IFT74: variants seen among roughly 807,000 people sequenced by gnomAD.
IFT74 encodes the protein intraflagellar transport protein 74 homolog.
A neutral mutation model predicts 96.7 loss-of-function variants in IFT74; 92 were observed. The ratio of observed to expected loss-of-function variants is 0.95; its 90% confidence interval spans 0.80 to 1.13. IFT74 has a LOEUF of 1.13. IFT74 is among the 50% of genes most tolerant of loss of function. The probability of loss-of-function intolerance (pLI) is 0.00; values close to 1 mark genes in which losing one functional copy is unlikely to be tolerated. For synonymous variants in IFT74, 223 were observed against 213.2 expected (o/e 1.05, Z -0.40); for missense variants, 811 against 698.2 (o/e 1.16, Z -1.82).
At chr9:26,961,106 G>T (rs1171809346) in intron 1 of IFT74, among the ~76,000 whole-genome samples, 8 of 143,038 alleles carry the variant, frequency 5.6e-5, no homozygotes, top group African/African-American at 1.0e-4. Context: ...TTTTTTGGGT[G>T]GGGGGATGGA....
At chr9:27,046,195 G>T (rs1318518683) in intron 14 of IFT74, among the ~76,000 whole-genome samples, 2 of 152,128 alleles carry the variant, frequency 1.3e-5, no homozygotes, top group Non-Finnish European at 2.9e-5. Context: ...GATTATAGAA[G>T]CAGGATATTC....
At chr9:27,012,997 G>T (rs553599406) in intron 10 of IFT74, among the ~76,000 whole-genome samples, 2 of 152,244 alleles carry the variant, frequency 1.3e-5, no homozygotes, top group South Asian at 4.1e-4. Context: ...GATTATAGGC[G>T]TGAGCCACTG....
chr9:27,050,282 C>A (rs995345949), intron 16 of IFT74, among the ~76,000 whole-genome samples: 2 of 152,162 alleles, frequency 1.3e-5, no homozygotes, highest in Admixed American at 1.3e-4. Flanking sequence ...TTGTCTCAAA[C>A]TCCTGGGCTA....
chr9:26,950,222 G>C (rs1337862265), intron 1 of IFT74, among the ~76,000 whole-genome samples: 2 of 151,422 alleles, frequency 1.3e-5, no homozygotes, highest in East Asian at 4.0e-4. Context: ...TGAGGCAGGA[G>C]AATCACTTGA....
Position 26,980,499 on chromosome 9 carries a change from G to C in IFT74, c.257-72G>C. The stretch of plus-strand genomic sequence containing the variant: ...CTTGAGAATTGTGGAGTGTAATTCT[G>C]ATTGTGCTTTGGATTTGCTATTCTG... On this transcript the variant is annotated intron_variant, in intron 3 of 19. Coordinates refer to ENST00000380062, the MANE Select transcript of IFT74 (RefSeq NM_025103.4). 4 of 892,638 alleles carry C rather than the reference G, an allele frequency of 4.5e-6. No individual in the cohort carries two copies. In the South Asian group the frequency reaches 5.3e-5, roughly 12 times the overall value. The allele number at this position is 892,638 out of a possible 1,614,324, so 55.3% of individuals were successfully genotyped here.
At chr9:26,971,886 A>G (rs531386467) in intron 2 of IFT74, among the ~76,000 whole-genome samples, 1 of 152,314 alleles carries the variant, frequency 6.6e-6, no homozygotes, top group South Asian at 2.1e-4. Flanking sequence ...CAAATGTTTC[A>G]AAGCTTGGCT....
chr9:27,014,457 A>G (rs980072416), intron 10 of IFT74, among the ~76,000 whole-genome samples: 2 of 152,114 alleles, frequency 1.3e-5, no homozygotes, highest in African/African-American at 4.8e-5. Flanking sequence ...ATAAGCTATA[A>G]CCTTAGATTT....
chr9:27,056,578 C>A, intron 18 of IFT74, 119 bp downstream of exon 18: 1 of 773,086 alleles, frequency 1.3e-6, no homozygotes. Flanking sequence ...ACTTTTAAGA[C>A]AGCCAGATTC....
At chr9:26,978,677 A>C (rs1827230157) in intron 3 of IFT74, among the ~76,000 whole-genome samples, 1 of 152,204 alleles carries the variant, frequency 6.6e-6, no homozygotes, top group Non-Finnish European at 1.5e-5. Context: ...AAATACTCTG[A>C]AATAGTTTAG....
chr9:27,055,882 T>C (rs1435389377), intron 17 of IFT74, 110 bp downstream of exon 17: 10 of 645,760 alleles, frequency 1.5e-5, no homozygotes, highest in South Asian at 3.8e-5. Flanking sequence ...GATTATTTTA[T>C]ATATATAAGT....
intron 13 of IFT74, among the ~76,000 whole-genome samples, chr9:27,031,138 G>C (rs1014289826): frequency 2.6e-5 from 4 of 152,012 alleles, no homozygotes; most frequent in Non-Finnish European, 4.4e-5. Context: ...CGGGACTACA[G>C]GTCCATGTTA....
rs200556379 is a variant in IFT74, at chr9:26,962,073, C to T, written c.106C>T (p.Arg36Ter). 279 of 1,613,948 alleles carry T rather than the reference C, an allele frequency of 1.7e-4. No homozygotes were observed. Among genetic ancestry groups the T allele is most frequent in the Non-Finnish European group, 2.3e-4 (273 of 1,179,982 alleles). The change falls in exon 2 of 20, where the codon CGA becomes TGA. Residue 36 changes from arginine to a stop codon, truncating the protein, a stop_gained. Coordinates refer to ENST00000380062, the MANE Select transcript of IFT74 (RefSeq NM_025103.4). LOFTEE classifies it high-confidence loss of function. ...SGIRPLSGNI[R>*]VATAMPPGTA... ...GATACGACCCCTATCAGGAAATATT[C>T]GAGTGGCAACTGCAGTAAGTTTGAA...
chr9:27,064,834 A>G lies in IFT74; in HGVS notation c.*2098A>G, dbSNP rs949192856. Among the ~76,000 whole-genome samples the G allele has an allele frequency of 6.6e-6, 1 of 152,072 alleles. No individual in the cohort carries two copies. Among genetic ancestry groups the G allele is most frequent in the Non-Finnish European group, 1.5e-5 (1 of 67,978 alleles). On this transcript the variant is annotated 3_prime_UTR_variant, in exon 20 of 20. Transcript: ENST00000380062. ...CTTAGTAATTTTTACTATTAGTAAT[A>G]AGGGTTTTTTTCTGAGTGGTGGGAT... is the stretch of plus-strand genomic sequence containing the variant.
At chr9:26,968,328 C>T (rs2131499375) in intron 2 of IFT74, among the ~76,000 whole-genome samples, 1 of 151,272 alleles carries the variant, frequency 6.6e-6, no homozygotes, top group Non-Finnish European at 1.5e-5. Context: ...GTGACGCAAT[C>T]TCTGCTCACT....
intron 12 of IFT74, among the ~76,000 whole-genome samples, chr9:27,023,831 G>A (rs1829726360): frequency 6.6e-6 from 1 of 152,124 alleles, no homozygotes; most frequent in South Asian, 2.1e-4. Context: ...CATACAAGAG[G>A]AGTCTGAGCT....
chr9:26,988,135 A>G (rs1430790745), intron 6 of IFT74, among the ~76,000 whole-genome samples: 1 of 152,024 alleles, frequency 6.6e-6, no homozygotes, highest in Non-Finnish European at 1.5e-5. Context: ...TATTTTTAGT[A>G]GAGACAGGGT....
intron 16 of IFT74, 23 bp from the exon 17 acceptor site, chr9:27,055,586 C>A: frequency 6.6e-7 from 1 of 1,517,998 alleles, no homozygotes; most frequent in Non-Finnish European, 8.8e-7. Context: ...GATTAATTAT[C>A]ACCTTAAATT....
rs570616361 is a variant in IFT74, at chr9:27,028,878, G to A, written c.975-147G>A. The A allele has an allele frequency of 7.2e-5, 44 of 614,412 alleles. No homozygotes were observed. In the Admixed American group the frequency reaches 1.1e-3, roughly 15 times the overall value. 38.1% of individuals were successfully genotyped at this position (614,412 alleles called of 1,614,324 possible). A position where few individuals can be genotyped will look rare whatever the true frequency, so the allele number is the denominator to read the frequency against. On this transcript the variant is annotated intron_variant, in intron 12 of 19. Coordinates refer to ENST00000380062, the MANE Select transcript of IFT74 (RefSeq NM_025103.4). ...TTGTAAAAGATATCCTAATGTCATC[G>A]TCAGTTATAGTATTGTCCTTAGAAT...
At chr9:27,043,934 G>A (rs574235352) in intron 13 of IFT74, among the ~76,000 whole-genome samples, 1 of 152,228 alleles carries the variant, frequency 6.6e-6, no homozygotes, top group South Asian at 2.1e-4. Flanking sequence ...TTATTCTCCA[G>A]ACTGGAAATA....
Sources: gnomAD v4.1 joint callset for allele counts (sites outside exome capture counted in the v4.1 genomes callset) on GRCh38, gnomAD v4.1.1 for gene constraint, MANE v1.5 for transcripts, NCBI Gene and HGNC (gene_info 2026-07-23, HGNC 2026-07-21) for gene names.